Variants in FAT3 observed in about 807,000 individuals in gnomAD.
FAT3 encodes the protein protocadherin Fat 3.
Under a neutral mutation model 310.2 loss-of-function variants are expected in FAT3, and 95 were observed. That is an observed-to-expected ratio of 0.31 (90% CI 0.26 to 0.36). FAT3 has a LOEUF of 0.36. Ranked by LOEUF, FAT3 falls within the 10% of genes least tolerant of loss-of-function variation. The pLI, the probability that FAT3 is intolerant of heterozygous loss-of-function variation, is 1.00. For missense variants in FAT3, 5,408 were observed against 5,715.6 expected (o/e 0.95, Z 1.74); for synonymous variants, 2,314 against 2,192.9 (o/e 1.06, Z -1.54).
intron 2 of FAT3, among the ~76,000 whole-genome samples, chr11:92,500,397 G>A (rs1428829116): frequency 1.3e-5 from 2 of 152,036 alleles, no homozygotes; most frequent in Admixed American, 6.6e-5. Context: ...AAAAATACCT[G>A]TATTTATCAG....
intron 4 of FAT3, among the ~76,000 whole-genome samples, chr11:92,749,781 A>G (rs1236819229): frequency 6.6e-6 from 1 of 152,208 alleles, no homozygotes; most frequent in Non-Finnish European, 1.5e-5. Context: ...CATCTTTACT[A>G]CAATTAATTT....
chr11:92,537,515 TG>T (rs907312382), intron 3 of FAT3, among the ~76,000 whole-genome samples: 1 of 152,056 alleles, frequency 6.6e-6, no homozygotes, highest in African/African-American at 2.4e-5. Flanking sequence ...CCAGTTAGAT[TG>T]GGGTAGACAC....
intron 4 of FAT3, among the ~76,000 whole-genome samples, chr11:92,717,848 T>TA (rs1467965823): frequency 6.6e-6 from 1 of 152,098 alleles, no homozygotes; most frequent in East Asian, 1.9e-4. Context: ...TTCATCAGAA[T>TA]AAAAATCACC....
At chr11:92,307,567 A>G (rs1947173213) in intron 1 of FAT3, among the ~76,000 whole-genome samples, 1 of 152,106 alleles carries the variant, frequency 6.6e-6, no homozygotes, top group African/African-American at 2.4e-5. Context: ...AGCATCTAAT[A>G]CTTGGAACCA....
At chr11:92,412,503 G>A in intron 2 of FAT3, among the ~76,000 whole-genome samples, 1 of 143,158 alleles carries the variant, frequency 7.0e-6, no homozygotes, top group Admixed American at 7.4e-5. Context: ...ATTGGAGATT[G>A]TTCACATTCA....
At chr11:92,625,853 G>A (rs890392386) in intron 3 of FAT3, among the ~76,000 whole-genome samples, 1 of 151,894 alleles carries the variant, frequency 6.6e-6, no homozygotes, top group South Asian at 2.1e-4. Context: ...GGGTCCTATT[G>A]AAGGCAAAGA....
At chr11:92,709,014 C>T (rs879516544) in intron 4 of FAT3, among the ~76,000 whole-genome samples, 2 of 152,078 alleles carry the variant, frequency 1.3e-5, no homozygotes, top group South Asian at 4.1e-4. Flanking sequence ...ATAGGTAGAC[C>T]GAGGCACCCA....
At chr11:92,683,224 A>G (rs775838695) in intron 3 of FAT3, among the ~76,000 whole-genome samples, 4 of 152,192 alleles carry the variant, frequency 2.6e-5, no homozygotes, top group Non-Finnish European at 5.9e-5. Context: ...ATTGTTGCCC[A>G]CAATGCTGTT....
rs924296433 is a variant in FAT3, at chr11:92,640,362, A to G, written c.3608-57022A>G. On this transcript the variant is annotated intron_variant, in intron 3 of 27. Transcript: ENST00000525166. Reference sequence around the variant, plus strand: ...ATGATGTTTGCTTTTAAATCTAAAAACAGATATGATAGTACATTCCTCAGA... The same window carrying G: ...ATGATGTTTGCTTTTAAATCTAAAAGCAGATATGATAGTACATTCCTCAGA... Among the ~76,000 whole-genome samples, 6 of 152,160 alleles carry G rather than the reference A, an allele frequency of 3.9e-5. No individual in the cohort carries two copies. The East Asian group carries it at 1.2e-3, about 29-fold the overall frequency.
rs184940387 is a variant in FAT3 at position 92,771,719 on chromosome 11, A to G, written c.4196-2322A>G. On this transcript the variant is annotated intron_variant, in intron 6 of 27. Transcript: ENST00000525166. ...GGGAGATATACACATACACATACAC[A>G]TACAAATACATATATGAACACACAC... 9.2e-5 allele frequency among the ~76,000 whole-genome samples: 14 copies of G among 151,978 alleles called. No individual in the cohort carries two copies. In the East Asian group the frequency reaches 2.5e-3, roughly 27 times the overall value.
At chr11:92,265,319 G>T (rs1993543) in intron 1 of FAT3, among the ~76,000 whole-genome samples, 46,362 of 151,498 alleles carry the variant, frequency 0.31, 8,563 homozygotes, top group African/African-American at 0.52. Flanking sequence ...TTACGCTGCC[G>T]TATGGTTTTT....
intron 13 of FAT3, among the ~76,000 whole-genome samples, chr11:92,822,051 C>T (rs745717191): frequency 1.3e-5 from 2 of 152,120 alleles, no homozygotes; most frequent in Non-Finnish European, 2.9e-5. Context: ...ATGCCTTTCC[C>T]TATTTAGAAG....
chr11:92,440,972 C>T (rs1470782535), intron 2 of FAT3, among the ~76,000 whole-genome samples: 1 of 152,154 alleles, frequency 6.6e-6, no homozygotes, highest in Non-Finnish European at 1.5e-5. Context: ...CAATCTCTTG[C>T]AGCACTAAGA....
intron 2 of FAT3, among the ~76,000 whole-genome samples, chr11:92,415,947 G>A (rs1421629963): frequency 7.2e-6 from 1 of 139,030 alleles, no homozygotes; most frequent in East Asian, 2.1e-4. Flanking sequence ...TTCATCCTTA[G>A]CCTCCCAGGT....
intron 1 of FAT3, among the ~76,000 whole-genome samples, chr11:92,333,927 T>C (rs991973561): frequency 6.6e-6 from 1 of 152,156 alleles, no homozygotes; most frequent in Non-Finnish European, 1.5e-5. Flanking sequence ...AGAAAAACTT[T>C]TGCATTTTCT....
At chr11:92,831,583 A>G (rs767712933) in intron 13 of FAT3, 39 bp from the exon 14 acceptor site, 12 of 1,566,480 alleles carry the variant, frequency 7.7e-6, no homozygotes, top group Non-Finnish European at 9.5e-6. Context: ...TCATCTGGCC[A>G]TGTTCTTGCC....
At position 92,410,556 on chromosome 11, in the gene FAT3, C is replaced by A. The variant is rs145602884; in HGVS notation, c.3292+55152C>A. Among the ~76,000 whole-genome samples, 506 of 152,116 alleles carry A rather than the reference C, an allele frequency of 3.3e-3. 2 individuals are homozygous for A. The highest frequency in any genetic ancestry group is 0.012 in the African/African-American group (485 of 41,518). On this transcript the variant is annotated intron_variant, in intron 2 of 27. Transcript: ENST00000525166. ...CAACTTGAAGCCCAAGAGACATTCCCCAGTTTTTCCATTAGGGGGTCCTTA... is the reference window on the plus strand; with the variant it reads ...CAACTTGAAGCCCAAGAGACATTCCACAGTTTTTCCATTAGGGGGTCCTTA...
At chr11:92,632,396 T>C (rs1941588378) in intron 3 of FAT3, among the ~76,000 whole-genome samples, 1 of 152,130 alleles carries the variant, frequency 6.6e-6, no homozygotes, top group South Asian at 2.1e-4. Flanking sequence ...AAGGCACTAA[T>C]GAGAGGCAAA....
chr11:92,271,175 C>T (rs942728716), intron 1 of FAT3, among the ~76,000 whole-genome samples: 1 of 152,074 alleles, frequency 6.6e-6, no homozygotes, highest in Non-Finnish European at 1.5e-5. Context: ...TAACACCTTC[C>T]AGGGGCTTCC....
Sources: allele counts gnomAD v4.1 joint callset (sites outside exome capture counted in the v4.1 genomes callset), GRCh38; gene constraint gnomAD v4.1.1; transcripts MANE v1.5; gene names NCBI Gene and HGNC (gene_info 2026-07-23, HGNC 2026-07-21).